Variants in PLCZ1 observed in about 807,000 individuals in gnomAD.
The protein encoded by PLCZ1 is 1-phosphatidylinositol 4,5-bisphosphate phosphodiesterase zeta-1.
PLCZ1 carries 64 observed loss-of-function variants against 76.8 expected under a neutral mutation model. That is an observed-to-expected ratio of 0.83 (90% CI 0.68 to 1.03). The LOEUF (loss-of-function observed/expected upper bound fraction) is 1.03, where lower values mean the gene tolerates loss of function less well. Ranked by LOEUF, PLCZ1 falls within the 50% of genes least tolerant of loss-of-function variation. The pLI is 0.00. For missense variants in PLCZ1, 751 were observed against 713.7 expected (o/e 1.05, Z -0.60); for synonymous variants, 248 against 230.8 (o/e 1.07, Z -0.68).
the PLCZ1 span, among the ~76,000 whole-genome samples, chr12:18,647,644 A>G: frequency 2.0e-5 from 3 of 151,280 alleles, no homozygotes; most frequent in Non-Finnish European, 2.9e-5. Context: ...TCTTAGTGGA[A>G]TCAGTAAATT....
downstream of PLCZ1, among the ~76,000 whole-genome samples, chr12:18,682,917 A>T (rs1367566199): frequency 6.6e-6 from 1 of 152,042 alleles, no homozygotes. Flanking sequence ...TTGCCAATGT[A>T]TATTTTATAA....
At chr12:18,692,008 G>T (rs1238697299) in intron 12 of PLCZ1, among the ~76,000 whole-genome samples, 2 of 152,148 alleles carry the variant, frequency 1.3e-5, no homozygotes, top group African/African-American at 2.4e-5. Flanking sequence ...GTGGAGTGTA[G>T]CTTCCCAAAT....
Position 18,736,635 on chromosome 12 carries a change from A to G in PLCZ1, c.12-291T>C, listed in dbSNP as rs1324562339. 49 of 1,296,202 alleles carry G rather than the reference A, an allele frequency of 3.8e-5. 1 individual carries two copies. The highest frequency in any genetic ancestry group is 4.3e-5 in the Non-Finnish European group (43 of 993,926). The allele number at this position is 1,296,202 out of a possible 1,614,324, so 80.3% of individuals were successfully genotyped here. Reference sequence around the variant, plus strand: ...GAACATACATTAAAACATTATAACAATCTATTGCCTGAAGGCATGAAGTTG... The same window carrying G: ...GAACATACATTAAAACATTATAACAGTCTATTGCCTGAAGGCATGAAGTTG... On this transcript the variant is annotated intron_variant, in intron 2 of 14. Transcript: ENST00000266505.
chr12:18,712,814 C>G (rs187791811), intron 6 of PLCZ1, 28 bp downstream of exon 6: 1 of 1,609,598 alleles, frequency 6.2e-7, no homozygotes, highest in East Asian at 2.2e-5. Context: ...GTTTAAATAG[C>G]TACAGTTGAA....
At chr12:18,677,173 C>G in the PLCZ1 span, among the ~76,000 whole-genome samples, 1 of 152,070 alleles carries the variant, frequency 6.6e-6, no homozygotes, top group African/African-American at 2.4e-5. Flanking sequence ...CATATTCCAA[C>G]AGCAGATCCT....
intron 7 of PLCZ1, among the ~76,000 whole-genome samples, chr12:18,704,283 G>C (rs1279619373): frequency 6.6e-6 from 1 of 152,138 alleles, no homozygotes; most frequent in Non-Finnish European, 1.5e-5. Context: ...CAGGTTGCAA[G>C]GAGACAAGAA....
At chr12:18,727,590 G>A (rs1289531110) in intron 3 of PLCZ1, among the ~76,000 whole-genome samples, 1 of 152,146 alleles carries the variant, frequency 6.6e-6, no homozygotes, top group South Asian at 2.1e-4. Flanking sequence ...AGTGTAATTA[G>A]AGAGAATGTT....
chr12:18,681,340 C>A (rs1011799130), downstream of PLCZ1, among the ~76,000 whole-genome samples: 3 of 152,036 alleles, frequency 2.0e-5, no homozygotes, highest in Non-Finnish European at 2.9e-5. Context: ...AAAAAATCTT[C>A]TGTTGCCACA....
At chr12:18,676,597 ACT>A in the PLCZ1 span, among the ~76,000 whole-genome samples, 12,774 of 152,124 alleles carry the variant, frequency 0.084, 623 homozygotes, top group Non-Finnish European at 0.11. Flanking sequence ...TTACTGTCTG[ACT>A]CTGTTGTAGA....
chr12:18,669,849 T>A, the PLCZ1 span, among the ~76,000 whole-genome samples: 10 of 152,236 alleles, frequency 6.6e-5, no homozygotes, highest in Admixed American at 3.3e-4. Context: ...GTTTGCTCAT[T>A]TAGCAGAGAC....
the PLCZ1 span, among the ~76,000 whole-genome samples, chr12:18,670,085 A>C: frequency 5.5e-4 from 83 of 152,272 alleles, no homozygotes; most frequent in Middle Eastern, 3.4e-3. Flanking sequence ...ATTGGGAGTT[A>C]GGGCTTCAAA....
At position 18,712,852 on chromosome 12, in the gene PLCZ1, T is replaced by C. The variant is rs776570767; in HGVS notation, c.704A>G (p.Tyr235Cys). The C allele has an allele frequency of 8.1e-6, 13 of 1,613,702 alleles. No homozygotes were observed. The African/African-American group carries it at 1.7e-4, about 22-fold the overall frequency. Reference sequence around the variant, plus strand: ...AAGATATGTACATACCATGAATGCATACTTGTGTATAGCTTGGATAACAGT... The same window carrying C: ...AAGATATGTACATACCATGAATGCACACTTGTGTATAGCTTGGATAACAGT... ...FKTVIQAIHK[Y>C]AFMTSDYPVV... The change falls in exon 6 of 15, where the codon TAT becomes TGT. Residue 235 changes from tyrosine (Y) to cysteine (C), a missense_variant. Tyr to Cys is a radical substitution (Grantham distance 194). Transcript: ENST00000266505.
In PLCZ1 at chr12:18,701,771, TAGTGCCTA is replaced by T. The variant is rs780184276; in HGVS notation, c.865-3_869del. 1.2e-6 allele frequency: 2 copies of T among 1,600,220 alleles called. No homozygotes were observed. Among genetic ancestry groups the T allele is most frequent in the East Asian group, 4.5e-5 (2 of 43,980 alleles). ...TATTTTTAACTAATATTTTGAATTT[TAGTGCCTA>T]AGGAAACAATTTGAGAGATACAATT... On this transcript the variant is annotated splice_acceptor_variant and splice_polypyrimidine_tract_variant and coding_sequence_variant and intron_variant, in exon 8 of 15. Coordinates refer to ENST00000266505, the MANE Select transcript of PLCZ1 (RefSeq NM_033123.4). LOFTEE classifies it high-confidence loss of function.
chr12:18,727,343 T>G (rs1958812323), intron 3 of PLCZ1, among the ~76,000 whole-genome samples: 1 of 151,982 alleles, frequency 6.6e-6, no homozygotes, highest in African/African-American at 2.4e-5. Flanking sequence ...GCAAGACCTT[T>G]TCTCTAATTT....
chr12:18,671,638 A>C, the PLCZ1 span, among the ~76,000 whole-genome samples: 11 of 152,192 alleles, frequency 7.2e-5, no homozygotes, highest in Non-Finnish European at 1.5e-4. Context: ...AGTGGCTACT[A>C]TATTGGATAT....
intron 12 of PLCZ1, among the ~76,000 whole-genome samples, chr12:18,691,618 G>A (rs976508692): frequency 6.6e-6 from 1 of 152,172 alleles, no homozygotes; most frequent in Non-Finnish European, 1.5e-5. Flanking sequence ...AGCAATGTGT[G>A]TAGAAATGGA....
chr12:18,673,238 T>A, the PLCZ1 span, among the ~76,000 whole-genome samples: 1 of 152,130 alleles, frequency 6.6e-6, no homozygotes, highest in Admixed American at 6.6e-5. Flanking sequence ...AACAAAATTT[T>A]AAAAAACTGT....
intron 7 of PLCZ1, among the ~76,000 whole-genome samples, chr12:18,702,863 C>G (rs1380903138): frequency 2.0e-5 from 3 of 146,974 alleles, no homozygotes; most frequent in African/African-American, 7.8e-5. Context: ...CTCTGTCACC[C>G]AGGATGGAGT....
At chr12:18,712,720 G>A (rs563632614) in intron 6 of PLCZ1, 122 bp downstream of exon 6, 1 of 1,239,196 alleles carries the variant, frequency 8.1e-7, no homozygotes, top group Admixed American at 1.9e-5. Flanking sequence ...CCTACTAATG[G>A]ATCATAACCC....
Sources: allele counts gnomAD v4.1 joint callset (sites outside exome capture counted in the v4.1 genomes callset), GRCh38; gene constraint gnomAD v4.1.1; transcripts MANE v1.5; gene names NCBI Gene and HGNC (gene_info 2026-07-23, HGNC 2026-07-21).